KCND2: variants seen among roughly 807,000 people sequenced by gnomAD.
KCND2 encodes the protein A-type voltage-gated potassium channel KCND2.
Under a neutral mutation model 54.4 loss-of-function variants are expected in KCND2, and 16 were observed. The observed-to-expected ratio is 0.29, with a 90% CI of 0.20 to 0.45. The LOEUF (loss-of-function observed/expected upper bound fraction) is 0.45, where lower values mean the gene tolerates loss of function less well. KCND2 is among the 20% of genes least tolerant of loss of function. KCND2 has a pLI of 1.00. For missense variants in KCND2, 486 were observed against 824.2 expected (o/e 0.59, Z 5.02); for synonymous variants, 317 against 310.7 (o/e 1.02, Z -0.21).
At chr7:120,299,554 G>A (rs968721497) in intron 1 of KCND2, among the ~76,000 whole-genome samples, 8 of 152,144 alleles carry the variant, frequency 5.3e-5, no homozygotes, top group Admixed American at 4.6e-4. Flanking sequence ...ATTTAAACAA[G>A]AGACATTTCT....
At chr7:120,410,551 C>A (rs1801433739) in intron 1 of KCND2, among the ~76,000 whole-genome samples, 1 of 151,720 alleles carries the variant, frequency 6.6e-6, no homozygotes, top group Non-Finnish European at 1.5e-5. Flanking sequence ...TTCTTTAATT[C>A]TTTTTCTTAT....
chr7:120,510,192 A>C (rs535393638), intron 1 of KCND2, among the ~76,000 whole-genome samples: 1 of 152,260 alleles, frequency 6.6e-6, no homozygotes, highest in South Asian at 2.1e-4. Flanking sequence ...TATTAAGTAC[A>C]ACATATTCTA....
intron 1 of KCND2, among the ~76,000 whole-genome samples, chr7:120,355,539 C>T (rs974717982): frequency 2.6e-5 from 4 of 151,614 alleles, no homozygotes; most frequent in Non-Finnish European, 2.9e-5. Context: ...CAGAGTGAGA[C>T]TCTGTCTCAG....
chr7:120,498,646 G>A (rs1229957748), intron 1 of KCND2, among the ~76,000 whole-genome samples: 1 of 151,664 alleles, frequency 6.6e-6, no homozygotes, highest in Non-Finnish European at 1.5e-5. Context: ...ATGGTGGCAG[G>A]CACCTGTAAT....
chr7:120,373,089 C>T (rs978685068), intron 1 of KCND2, among the ~76,000 whole-genome samples: 1 of 151,808 alleles, frequency 6.6e-6, no homozygotes, highest in African/African-American at 2.4e-5. Context: ...CTATTCATTG[C>T]CAATGCTCCA....
intron 1 of KCND2, among the ~76,000 whole-genome samples, chr7:120,451,027 A>G (rs933672443): frequency 6.6e-6 from 1 of 151,962 alleles, no homozygotes; most frequent in Non-Finnish European, 1.5e-5. Context: ...CCCTTCTCCT[A>G]TCCTTCCCTT....
intron 1 of KCND2, among the ~76,000 whole-genome samples, chr7:120,716,533 T>C (rs1435815085): frequency 2.6e-5 from 4 of 152,130 alleles, no homozygotes; most frequent in Non-Finnish European, 4.4e-5. Context: ...TAAGGCATAA[T>C]GGCTGGCTCC....
At chr7:120,684,619 G>A (rs1263374230) in intron 1 of KCND2, among the ~76,000 whole-genome samples, 1 of 152,074 alleles carries the variant, frequency 6.6e-6, no homozygotes, top group African/African-American at 2.4e-5. Context: ...ACAGTTTACA[G>A]CAGGGCTCCT....
At chr7:120,347,757 C>CA (rs796126641) in intron 1 of KCND2, among the ~76,000 whole-genome samples, 206 of 113,264 alleles carry the variant, frequency 1.8e-3, no homozygotes, top group Admixed American at 2.9e-3. Context: ...AACTCTGTCT[C>CA]AAAAAAAAAA....
chr7:120,506,236 T>C (rs940161094), intron 1 of KCND2, among the ~76,000 whole-genome samples: 1 of 151,678 alleles, frequency 6.6e-6, no homozygotes, highest in African/African-American at 2.4e-5. Context: ...TCGATCCAAG[T>C]GCCAAAAATA....
intron 1 of KCND2, among the ~76,000 whole-genome samples, chr7:120,519,555 T>C (rs1423880938): frequency 6.6e-6 from 1 of 152,122 alleles, no homozygotes; most frequent in Non-Finnish European, 1.5e-5. Context: ...TTCAGCTTTA[T>C]GAGAACAGGA....
At chr7:120,549,097 C>T (rs1562870377) in intron 1 of KCND2, among the ~76,000 whole-genome samples, 1 of 151,988 alleles carries the variant, frequency 6.6e-6, no homozygotes, top group East Asian at 1.9e-4. Flanking sequence ...ACCCCACATC[C>T]ATTAAGATGT....
intron 1 of KCND2, among the ~76,000 whole-genome samples, chr7:120,640,756 G>A (rs1793361410): frequency 6.6e-6 from 1 of 152,140 alleles, no homozygotes; most frequent in Non-Finnish European, 1.5e-5. Flanking sequence ...TCATTGCATT[G>A]CATGGATATT....
intron 1 of KCND2, among the ~76,000 whole-genome samples, chr7:120,524,616 T>C (rs369351397): frequency 3.9e-5 from 6 of 152,196 alleles, no homozygotes; most frequent in African/African-American, 1.4e-4. Flanking sequence ...TTTTGAAAAT[T>C]ACTAAGTATC....
intron 1 of KCND2, among the ~76,000 whole-genome samples, chr7:120,299,315 T>C (rs1350836971): frequency 1.3e-5 from 2 of 152,120 alleles, no homozygotes; most frequent in Non-Finnish European, 2.9e-5. Context: ...TCACGATCAG[T>C]GAGTTAACAG....
chr7:120,643,198 T>G (rs1793399174), intron 1 of KCND2, among the ~76,000 whole-genome samples: 1 of 152,186 alleles, frequency 6.6e-6, no homozygotes, highest in East Asian at 1.9e-4. Context: ...TGTGCCTAAG[T>G]AAGGAACTAA....
intron 1 of KCND2, among the ~76,000 whole-genome samples, chr7:120,689,922 A>C (rs1388287040): frequency 6.6e-6 from 1 of 152,182 alleles, no homozygotes; most frequent in Non-Finnish European, 1.5e-5. Flanking sequence ...TGAAACACTT[A>C]CAGAGTATTT....
At chr7:120,468,491 T>A (rs1802410594) in intron 1 of KCND2, among the ~76,000 whole-genome samples, 1 of 152,088 alleles carries the variant, frequency 6.6e-6, no homozygotes. Flanking sequence ...TGGTAGTAAT[T>A]GTTCTCTCTA....
At chr7:120,309,565 A>G (rs1799704605) in intron 1 of KCND2, among the ~76,000 whole-genome samples, 1 of 150,778 alleles carries the variant, frequency 6.6e-6, no homozygotes, top group Non-Finnish European at 1.5e-5. Context: ...ACACACACAC[A>G]CATATATATA....
Sources: gnomAD v4.1 joint callset for allele counts (sites outside exome capture counted in the v4.1 genomes callset) on GRCh38, gnomAD v4.1.1 for gene constraint, MANE v1.5 for transcripts, NCBI Gene and HGNC (gene_info 2026-07-23, HGNC 2026-07-21) for gene names.